SPTAN1: variants seen among roughly 807,000 people sequenced by gnomAD.
The protein encoded by SPTAN1 is spectrin alpha, non-erythrocytic 1, also known as spectrin alpha chain, non-erythrocytic 1.
In SPTAN1, 61 loss-of-function variants were observed where a neutral mutation model predicts 331.3. That is an observed-to-expected ratio of 0.18 (90% CI 0.15 to 0.23). The LOEUF (loss-of-function observed/expected upper bound fraction) is 0.23. SPTAN1 is among the 10% of genes least tolerant of loss of function. SPTAN1 has a pLI of 1.00. For synonymous variants in SPTAN1, 1,153 were observed against 1,173.9 expected, an observed-to-expected ratio of 0.98 and a Z score of 0.36; for missense variants, 2,043 against 3,147.9, an observed-to-expected ratio of 0.65 and a Z score of 8.40.
chr9:128,603,636 A>G (rs766916217), intron 28 of SPTAN1, 46 bp downstream of exon 28: 2 of 1,606,094 alleles, frequency 1.2e-6, no homozygotes, highest in Non-Finnish European at 1.7e-6. Flanking sequence ...GGTTTTCTCC[A>G]CTATCTTCCT....
rs10760569 is a variant in SPTAN1, at chr9:128,632,018, A to G, written c.6763-109A>G. The stretch of plus-strand genomic sequence containing the variant: ...TATTCTAGAATGTTCTTGTTTTACG[A>G]GGTCTCAGGCCAGGCCTGGAGCAGG... On this transcript the variant is annotated intron_variant, in intron 52 of 56. Transcript: ENST00000372739. 0.97 allele frequency: 1,087,832 copies of G among 1,118,060 alleles called. 533,147 individuals are homozygous for G. Among genetic ancestry groups the G allele is most frequent in the Non-Finnish European group, 1 (758,506 of 759,354 alleles). The allele number at this position is 1,118,060 out of a possible 1,614,324, so 69.3% of individuals were successfully genotyped here.
At position 128,584,364 on chromosome 9, in the gene SPTAN1, A is replaced by G; in HGVS notation, c.2276A>G (p.Gln759Arg). ...HFDAENIKKKQEALVARYEAL... is the reference protein window; with the variant it reads ...HFDAENIKKKREALVARYEAL... ...GATGCAGAAAACATCAAGAAGAAAC[A>G]GGAAGCCCTCGTGGCTCGCTATGAG... The change falls in exon 17 of 57, where the codon CAG becomes CGG. Residue 759 changes from glutamine to arginine, a missense_variant. Gln to Arg is a conservative substitution (Grantham distance 43). Around this residue, in one of 12 missense-constraint regions of SPTAN1, gnomAD observed 1,038 missense variants for 1,531.5 expected, o/e 0.68. Transcript: ENST00000372739. The G allele has an allele frequency of 6.2e-7, 1 of 1,614,230 alleles. No individual in the cohort carries two copies. The highest frequency in any genetic ancestry group is 8.5e-7 in the Non-Finnish European group (1 of 1,180,044).
chr9:128,581,767 G>T lies in SPTAN1; in HGVS notation c.1462-15G>T, dbSNP rs756311537. Reference sequence around the variant, plus strand: ...AATAGGACATTATTCTGAACACTTTGTTTCCTTTGGCAAGGCGTTCCTGTT... The same window carrying T: ...AATAGGACATTATTCTGAACACTTTTTTTCCTTTGGCAAGGCGTTCCTGTT... On this transcript the variant is annotated splice_polypyrimidine_tract_variant and intron_variant, in intron 11 of 56. Coordinates refer to ENST00000372739, the MANE Select transcript of SPTAN1 (RefSeq NM_001130438.3). The T allele has an allele frequency of 4.4e-6, 7 of 1,597,248 alleles. No homozygotes were observed.
chr9:128,597,181 A>G (rs1224169910), intron 24 of SPTAN1, among the ~76,000 whole-genome samples: 2 of 151,998 alleles, frequency 1.3e-5, no homozygotes, highest in Non-Finnish European at 2.9e-5. Flanking sequence ...AAAAGAAAAA[A>G]AATTTTTCTG....
At position 128,611,156 on chromosome 9, in the gene SPTAN1, G is replaced by A. The variant is rs545349364; in HGVS notation, c.4774-558G>A. ...AATTCTAGGGCTTCACTCCCAAATA[G>A]CTAGCATAGCTACTGCAAGAATTGA... On this transcript the variant is annotated intron_variant, in intron 37 of 56. Transcript: ENST00000372739. 1.1e-4 allele frequency among the ~76,000 whole-genome samples: 16 copies of A among 152,250 alleles called. No individual in the cohort carries two copies. In the South Asian group the frequency reaches 3.3e-3, roughly 32 times the overall value.
chr9:128,604,254 T>C, intron 28 of SPTAN1, 72 bp from the exon 29 acceptor site: 2 of 1,503,006 alleles, frequency 1.3e-6, no homozygotes, highest in Non-Finnish European at 1.8e-6. Context: ...AACAAAGTCA[T>C]TTTCCCAAAG....
At chr9:128,553,763 C>T (rs938411704) in intron 1 of SPTAN1, among the ~76,000 whole-genome samples, 5 of 152,134 alleles carry the variant, frequency 3.3e-5, no homozygotes, top group Non-Finnish European at 7.4e-5. Context: ...TTTGTTCTGT[C>T]TTCATCATGT....
chr9:128,593,707 A>G (rs759953755), intron 23 of SPTAN1: 75 of 224,796 alleles, frequency 3.3e-4, no homozygotes, highest in Non-Finnish European at 5.3e-4. Flanking sequence ...AAAACATCCT[A>G]TATGAGGATA....
At chr9:128,592,118 G>A (rs1425694120) in intron 22 of SPTAN1, among the ~76,000 whole-genome samples, 2 of 151,910 alleles carry the variant, frequency 1.3e-5, no homozygotes, top group Non-Finnish European at 2.9e-5. Flanking sequence ...CAGCAGTTTT[G>A]GACACTTGGG....
chr9:128,621,548 G>A (rs1857860036), intron 45 of SPTAN1: 1 of 499,600 alleles, frequency 2.0e-6, no homozygotes, highest in African/African-American at 1.9e-5. Context: ...TCTTTATAGG[G>A]ACAGTAGAAA....
intron 39 of SPTAN1, among the ~76,000 whole-genome samples, chr9:128,612,755 G>C (rs993516955): frequency 6.6e-6 from 1 of 152,042 alleles, no homozygotes; most frequent in African/African-American, 2.4e-5. Flanking sequence ...GTGAAATCCT[G>C]TCTCTACTAA....
chr9:128,592,860 A>G, intron 22 of SPTAN1, 123 bp from the exon 23 acceptor site: 1 of 895,616 alleles, frequency 1.1e-6, no homozygotes, highest in Non-Finnish European at 1.8e-6. Flanking sequence ...CCTGTTGAAT[A>G]ACTCCATAGT....
In SPTAN1 at chr9:128,583,981, T is replaced by G. The variant is rs1852257700; in HGVS notation, c.2193+12T>G. On this transcript the variant is annotated intron_variant, in intron 16 of 56. Coordinates refer to ENST00000372739, the MANE Select transcript of SPTAN1 (RefSeq NM_001130438.3). ...TGGCTGCTCACCAGGTAGTGTGAAC[T>G]GGGGGCTGTGGTTGGGCAAGTGAAT... The G allele has an allele frequency of 6.2e-7, 1 of 1,614,002 alleles. No individual in the cohort carries two copies. Among genetic ancestry groups the G allele is most frequent in the Non-Finnish European group, 8.5e-7 (1 of 1,180,018 alleles).
chr9:128,583,294 C>G lies in SPTAN1; in HGVS notation c.2011+13C>G, dbSNP rs1406888465. 2 of 1,612,368 alleles carry G rather than the reference C, an allele frequency of 1.2e-6. No homozygotes were observed. Among genetic ancestry groups the G allele is most frequent in the Non-Finnish European group, 1.7e-6 (2 of 1,179,388 alleles). On this transcript the variant is annotated intron_variant, in intron 15 of 56. Transcript: ENST00000372739. ...ACTGAACTGAAAGGTAAGAGATGTT[C>G]CATTGAATTGTGACATGCATGTTTG...
chr9:128,588,750 C>G (rs1038076852), intron 20 of SPTAN1, 59 bp from the exon 21 acceptor site: 27 of 1,608,926 alleles, frequency 1.7e-5, no homozygotes, highest in Non-Finnish European at 1.8e-5. Flanking sequence ...CTGCTCTGTA[C>G]TTAGATGACT....
At chr9:128,607,734 A>G in intron 32 of SPTAN1, 31 bp downstream of exon 32, 1 of 1,611,448 alleles carries the variant, frequency 6.2e-7, no homozygotes. Flanking sequence ...AGTAGCAAAG[A>G]CGTGGCTGCT....
At chr9:128,608,411 T>C in intron 34 of SPTAN1, 135 bp downstream of exon 34, 2 of 1,123,536 alleles carry the variant, frequency 1.8e-6, no homozygotes, top group Non-Finnish European at 2.5e-6. Flanking sequence ...AAATAATCTT[T>C]AAAACTTTAT....
At position 128,607,943 on chromosome 9, in the gene SPTAN1, G is replaced by C. The variant is rs757274632; in HGVS notation, c.4238G>C (p.Ser1413Thr). The C allele has an allele frequency of 1.2e-6, 2 of 1,614,104 alleles. No homozygotes were observed. Among genetic ancestry groups the C allele is most frequent in the Non-Finnish European group, 1.7e-6 (2 of 1,180,022 alleles). Reference protein sequence around the residue: ...QQLLAHGHYASPEIKQKLDIL... With the variant: ...QQLLAHGHYATPEIKQKLDIL... ...CTGTTGGCTCACGGACACTATGCCA[G>C]CCCTGAGATCAAGCAGAAACTTGAT... The change falls in exon 33 of 57, where the codon AGC (serine) becomes ACC (threonine). Residue 1413 changes from serine (S) to threonine (T), a missense_variant. Transcript: ENST00000372739.
chr9:128,586,953 G>A (rs1852730047), intron 19 of SPTAN1, among the ~76,000 whole-genome samples: 1 of 152,012 alleles, frequency 6.6e-6, no homozygotes, highest in African/African-American at 2.4e-5. Context: ...AAGTAGCTGG[G>A]ATTACAGGCG....
Sources: gnomAD v4.1 joint callset for allele counts (sites outside exome capture counted in the v4.1 genomes callset) on GRCh38, gnomAD v4.1.1 for gene constraint, gnomAD v4.1.1 regional missense constraint, MANE v1.5 for transcripts, NCBI Gene and HGNC (gene_info 2026-07-23, HGNC 2026-07-21) for gene names.